Variants in USP14 observed in about 807,000 individuals in gnomAD.
The protein encoded by USP14 is ubiquitin carboxyl-terminal hydrolase 14.
In USP14, 38 loss-of-function variants were observed where a neutral mutation model predicts 76.5. That is an observed-to-expected ratio of 0.50 (90% confidence interval 0.38 to 0.65). The LOEUF (loss-of-function observed/expected upper bound fraction) is 0.65. Among genes scored for constraint, USP14 ranks in the 30% least tolerant of loss-of-function variants. The pLI, the probability that USP14 is intolerant of heterozygous loss-of-function variation, is 0.00. For missense variants in USP14, 467 were observed against 586.5 expected, an observed-to-expected ratio of 0.80 and a Z score of 2.10; for synonymous variants, 192 against 191.7, an observed-to-expected ratio of 1.00 and a Z score of -0.01.
Position 209,919 on chromosome 18 carries a change from A to C in USP14, c.1165-52A>C. The C allele has an allele frequency of 2.8e-6, 4 of 1,436,510 alleles. No homozygotes were observed. The South Asian group carries it at 5.0e-5, about 18-fold the overall frequency. 89.0% of individuals were successfully genotyped at this position (1,436,510 alleles called of 1,614,324 possible). ...GAAATTGAACACTTACAGAGAATTC[A>C]AATTTTATTTCCAAAATCATGATTT... On this transcript the variant is annotated intron_variant, in intron 13 of 15. Transcript: ENST00000261601.
rs186634805 is a variant in USP14, at chr18:169,919, T to G, written c.195+3100T>G. ...AAACTTAATCGACAAATGTGTCTTC[T>G]GACAGCCTCACCGACCCGCAGTTCC... On this transcript the variant is annotated intron_variant, in intron 3 of 15. Coordinates refer to ENST00000261601, the MANE Select transcript of USP14 (RefSeq NM_005151.4). 1.1e-4 allele frequency among the ~76,000 whole-genome samples: 16 copies of G among 152,304 alleles called. No homozygotes were observed. In the East Asian group the frequency reaches 3.1e-3, roughly 29 times the overall value.
chr18:171,673 C>A (rs963189475), intron 3 of USP14, among the ~76,000 whole-genome samples: 1 of 152,136 alleles, frequency 6.6e-6, no homozygotes, highest in Admixed American at 6.6e-5. Flanking sequence ...GTAATTTCTA[C>A]TTTTATTATT....
chr18:194,941 C>G (rs1452027309), intron 6 of USP14, among the ~76,000 whole-genome samples: 1 of 151,786 alleles, frequency 6.6e-6, no homozygotes, highest in Admixed American at 6.6e-5. Flanking sequence ...AAAAAACAAA[C>G]TTTTTTTTAG....
chr18:208,928 T>G (rs920306662), intron 13 of USP14, among the ~76,000 whole-genome samples: 1 of 152,168 alleles, frequency 6.6e-6, no homozygotes, highest in African/African-American at 2.4e-5. Flanking sequence ...GTATTTTTAT[T>G]AGACACAGGG....
intron 3 of USP14, among the ~76,000 whole-genome samples, chr18:176,997 G>A (rs974070559): frequency 7.2e-5 from 11 of 151,998 alleles, no homozygotes; most frequent in African/African-American, 1.9e-4. Context: ...GCAAGGTTTT[G>A]TAAAGGAATT....
chr18:203,211 T>A, intron 12 of USP14, 21 bp downstream of exon 12: 1 of 1,587,788 alleles, frequency 6.3e-7, no homozygotes, highest in Non-Finnish European at 8.6e-7. Flanking sequence ...AACTTTACTT[T>A]GTATAAGAAA....
chr18:198,303 T>C (rs910127801), intron 9 of USP14, among the ~76,000 whole-genome samples, 171 bp downstream of exon 9: 3 of 152,184 alleles, frequency 2.0e-5, no homozygotes, highest in African/African-American at 7.2e-5. Context: ...AATGGTGTGA[T>C]CTTGACTCAC....
At position 204,595 on chromosome 18, in the gene USP14, A is replaced by G. The variant is rs762858132; in HGVS notation, c.1067A>G (p.Tyr356Cys). ...AAATTTCCTCTTATGTTGGATATGT[A>G]TGAACTGTGTACACCAGAACTTCAA... ...DVKFPLMLDM[Y>C]ELCTPELQEK... Residue 356 changes from tyrosine (Y) to cysteine (C), a missense_variant, in exon 13 of 16, where the codon TAT (tyrosine) becomes TGT (cysteine). Tyr to Cys is a radical substitution (Grantham distance 194). Transcript: ENST00000261601. 9.9e-6 allele frequency: 16 copies of G among 1,611,642 alleles called. No homozygotes were observed. The highest frequency in any genetic ancestry group is 3.4e-5 in the Admixed American group (2 of 59,568).
At chr18:165,902 T>C (rs1277765151) in intron 2 of USP14, among the ~76,000 whole-genome samples, 1 of 152,194 alleles carries the variant, frequency 6.6e-6, no homozygotes, top group African/African-American at 2.4e-5. Flanking sequence ...GGGTACCCGA[T>C]ACCTTCTATA....
intron 10 of USP14, among the ~76,000 whole-genome samples, chr18:201,987 C>T (rs767129486): frequency 6.9e-4 from 105 of 152,184 alleles, no homozygotes; most frequent in Non-Finnish European, 1.2e-3. Flanking sequence ...TAAAAAGCTA[C>T]TCCACAGTGA....
chr18:190,492 C>T (rs573463552), intron 5 of USP14, among the ~76,000 whole-genome samples: 5 of 152,200 alleles, frequency 3.3e-5, no homozygotes, highest in Admixed American at 1.3e-4. Context: ...AGTTATTTAG[C>T]CAGTGGATTT....
At chr18:200,428 G>T (rs2143077340) in intron 10 of USP14, among the ~76,000 whole-genome samples, 1 of 152,266 alleles carries the variant, frequency 6.6e-6, no homozygotes, top group South Asian at 2.1e-4. Flanking sequence ...GCAAATCAGG[G>T]CATGTAGTCG....
chr18:165,840 A>G (rs183173459), intron 2 of USP14, among the ~76,000 whole-genome samples: 1 of 152,298 alleles, frequency 6.6e-6, no homozygotes, highest in African/African-American at 2.4e-5. Context: ...TCCATTTTAA[A>G]GCAGATAAAA....
At chr18:199,383 T>C in intron 10 of USP14, 67 bp downstream of exon 10, 1 of 1,128,126 alleles carries the variant, frequency 8.9e-7, no homozygotes, top group Non-Finnish European at 1.3e-6. Context: ...CCAAAGTCAT[T>C]ATTCACTGGG....
chr18:193,887 GAC>G (rs1910158702), intron 6 of USP14, among the ~76,000 whole-genome samples: 1 of 152,160 alleles, frequency 6.6e-6, no homozygotes, highest in Non-Finnish European at 1.5e-5. Flanking sequence ...AAATACTCCT[GAC>G]AGTCGTGTAC....
chr18:187,254 A>G (rs938956798), intron 5 of USP14, among the ~76,000 whole-genome samples: 1 of 152,116 alleles, frequency 6.6e-6, no homozygotes, highest in East Asian at 1.9e-4. Flanking sequence ...AATATTTTTG[A>G]GACCTGTTCC....
In USP14 at chr18:202,905, A is replaced by T. The variant is rs771777117; in HGVS notation, c.902A>T (p.Gln301Leu). The change falls in exon 11 of 16, where the codon CAG (glutamine) becomes CTG (leucine). Residue 301 changes from glutamine to leucine, a missense_variant. Physicochemically the swap from Gln to Leu is moderately radical, Grantham distance 113. Coordinates refer to ENST00000261601, the MANE Select transcript of USP14 (RefSeq NM_005151.4). ...KLRLQEEITKQSPTLQRNALY... is the reference protein window; with the variant it reads ...KLRLQEEITKLSPTLQRNALY... ...CGACTTCAGGAAGAAATCACCAAACAGTCTCCAACGTTGCAAAGAAATGCC... is the reference window on the plus strand; with the variant it reads ...CGACTTCAGGAAGAAATCACCAAACTGTCTCCAACGTTGCAAAGAAATGCC... The T allele has an allele frequency of 5.0e-6, 8 of 1,614,064 alleles. No individual in the cohort carries two copies. The African/African-American group carries it at 1.1e-4, about 22-fold the overall frequency.
rs1470089613 is a variant in USP14, at chr18:203,329, T to TA, written c.1035+139_1035+140insA. Reference sequence around the variant, plus strand: ...AGGGGAGCTAATATTAGACAAGTGATTCTTAACTCAGAACGTATATTAGAA... The same window carrying TA: ...AGGGGAGCTAATATTAGACAAGTGATATCTTAACTCAGAACGTATATTAGAA... On this transcript the variant is annotated intron_variant, in intron 12 of 15. Transcript: ENST00000261601. 8 of 767,814 alleles carry TA rather than the reference T, an allele frequency of 1.0e-5. No homozygotes were observed. In the Admixed American group the frequency reaches 2.4e-4, roughly 23 times the overall value. 47.6% of individuals were successfully genotyped at this position (767,814 alleles called of 1,614,324 possible). A position where few individuals can be genotyped will look rare whatever the true frequency, so the allele number is the denominator to read the frequency against.
intron 3 of USP14, among the ~76,000 whole-genome samples, chr18:177,522 T>C (rs1909660035): frequency 6.6e-6 from 1 of 151,798 alleles, no homozygotes; most frequent in Non-Finnish European, 1.5e-5. Context: ...TAAAAGGTGA[T>C]AGAATAAAGG....
Sources: gnomAD v4.1 joint callset for allele counts (sites outside exome capture counted in the v4.1 genomes callset) on GRCh38, gnomAD v4.1.1 for gene constraint, MANE v1.5 for transcripts, NCBI Gene and HGNC (gene_info 2026-07-23, HGNC 2026-07-21) for gene names.